Variants in IDE observed in about 807,000 individuals in gnomAD.
The protein encoded by IDE is insulin degrading enzyme.
Under a neutral mutation model 133.2 loss-of-function variants are expected in IDE, and 58 were observed. The observed-to-expected ratio is 0.44, with a 90% CI of 0.35 to 0.54. The LOEUF (loss-of-function observed/expected upper bound fraction) is 0.54. Among genes scored for constraint, IDE ranks in the 20% least tolerant of loss-of-function variants. IDE has a pLI of 0.00. For synonymous variants in IDE, 396 were observed against 421.3 expected (o/e 0.94, Z 0.73); for missense variants, 981 against 1,234.0 (o/e 0.79, Z 3.07).
At chr10:92,543,887 G>C (rs1970243) in intron 1 of IDE, among the ~76,000 whole-genome samples, 8,981 of 152,194 alleles carry the variant, frequency 0.059, 910 homozygotes, top group African/African-American at 0.2. Flanking sequence ...GGGTACCAAG[G>C]GTGTTTCACA....
chr10:92,510,851 TATATATCACATATATATCACATACATG>T (rs1389432709), intron 5 of IDE, among the ~76,000 whole-genome samples: 3 of 150,900 alleles, frequency 2.0e-5, no homozygotes, highest in East Asian at 3.9e-4. Context: ...ACACATATGA[TATATATCACATATATATCACATACATG>T]ATATATCACA....
chr10:92,533,711 T>G (rs1850067763), intron 3 of IDE, among the ~76,000 whole-genome samples: 1 of 123,562 alleles, frequency 8.1e-6, no homozygotes, highest in African/African-American at 3.1e-5. Context: ...TATAAAAAAT[T>G]GACCAAAAAA....
intron 1 of IDE, among the ~76,000 whole-genome samples, chr10:92,548,359 CAAAAAAAAAAAAAAAAAAAA>C (rs56347361): frequency 2.5e-5 from 1 of 39,702 alleles, no homozygotes; most frequent in Non-Finnish European, 4.1e-5. Flanking sequence ...AACTCCATCT[CAAAAAAAAAAAAAAAAAAAA>C]AAAAAAAAAG....
At chr10:92,523,724 C>A (rs985869143) in intron 4 of IDE, among the ~76,000 whole-genome samples, 5 of 148,012 alleles carry the variant, frequency 3.4e-5, no homozygotes, top group African/African-American at 1.2e-4. Context: ...AAAAAAAAGT[C>A]ACGCACACCT....
chr10:92,522,618 T>C (rs1849288901), intron 4 of IDE, among the ~76,000 whole-genome samples: 1 of 152,216 alleles, frequency 6.6e-6, no homozygotes, highest in Non-Finnish European at 1.5e-5. Context: ...TCCGCTAAGA[T>C]CCTGGAGAAA....
chr10:92,546,997 A>C (rs1445275960), intron 1 of IDE, among the ~76,000 whole-genome samples: 8 of 152,220 alleles, frequency 5.3e-5, no homozygotes, highest in African/African-American at 1.9e-4. Flanking sequence ...AACTCAACTA[A>C]TTTTACATAT....
chr10:92,564,696 A>C (rs1466157162), intron 1 of IDE, among the ~76,000 whole-genome samples: 1 of 147,716 alleles, frequency 6.8e-6, no homozygotes, highest in Non-Finnish European at 1.5e-5. Context: ...AAAAAAAAAA[A>C]AAAAAAAAAA....
At chr10:92,511,102 C>CTTT (rs749758838) in intron 5 of IDE, among the ~76,000 whole-genome samples, 35 of 105,388 alleles carry the variant, frequency 3.3e-4, no homozygotes, top group Admixed American at 3.9e-4. Flanking sequence ...AAAAAAAAAA[C>CTTT]TTTTTTTTTT....
intron 4 of IDE, among the ~76,000 whole-genome samples, chr10:92,519,965 A>G (rs920945743): frequency 1.3e-5 from 2 of 152,134 alleles, no homozygotes; most frequent in Non-Finnish European, 2.9e-5. Context: ...TTAGCCAGGC[A>G]TGGTGGTGGT....
At position 92,465,821 on chromosome 10, in the gene IDE, CT is replaced by C; in HGVS notation, c.2342del (p.Gln781ArgfsTer66). The C allele has an allele frequency of 6.2e-7, 1 of 1,614,116 alleles. No homozygotes were observed. The highest frequency in any genetic ancestry group is 2.2e-5 in the East Asian group (1 of 44,886). Reference sequence around the variant, plus strand: ...CACAGTTATTGTGAACTTCATTTCTCTGCTGATAAACAAACCATCCTCCTAG... The same window carrying C: ...CACAGTTATTGTGAACTTCATTTCTCGCTGATAAACAAACCATCCTCCTAG... ...LPDRGWFVYQ[Q>X]RNEVHNNCGI... On this transcript the variant is annotated frameshift_variant, in exon 20 of 25. Coordinates refer to ENST00000265986, the MANE Select transcript of IDE (RefSeq NM_004969.4). LOFTEE classifies it high-confidence loss of function.
At chr10:92,497,821 G>A (rs1292924644) in intron 11 of IDE, 1 of 303,746 alleles carries the variant, frequency 3.3e-6, no homozygotes, top group Non-Finnish European at 4.8e-6. Context: ...AAATGTGAGA[G>A]TAAAAAGAGG....
rs771152795 is a variant in IDE at position 92,468,905 on chromosome 10, C to A, written c.2294G>T (p.Arg765Leu). The change falls in exon 19 of 25, where the codon CGG becomes CTG. Residue 765 changes from arginine (R) to leucine (L), a missense_variant. By Grantham distance (102) the Arg-to-Leu change is moderately radical. Around this residue, in one of 2 missense-constraint regions of IDE, gnomAD observed 660 missense variants for 894.7 expected, o/e 0.74. Transcript: ENST00000265986. ...GTCAGGGAGCTGAACTTCTCTATAC[C>A]GAACCAGCTGACTTGGAAGGAGAGG... The part of the protein sequence containing the change: ...TKPLLPSQLV[R>L]YREVQLPDRG... 1.2e-6 allele frequency: 2 copies of A among 1,609,258 alleles called. No homozygotes were observed. Among genetic ancestry groups the A allele is most frequent in the Non-Finnish European group, 1.7e-6 (2 of 1,175,712 alleles).
At chr10:92,493,725 G>A (rs530256805) in intron 11 of IDE, among the ~76,000 whole-genome samples, 3 of 152,274 alleles carry the variant, frequency 2.0e-5, no homozygotes, top group East Asian at 3.9e-4. Flanking sequence ...CAGTTCCTCA[G>A]ACTAGGCACA....
chr10:92,569,122 GAATA>G (rs1254576293), intron 1 of IDE, among the ~76,000 whole-genome samples: 7 of 152,292 alleles, frequency 4.6e-5, no homozygotes, highest in African/African-American at 1.7e-4. Flanking sequence ...GGCCTAAAAA[GAATA>G]AAGGATTTAG....
chr10:92,474,925 G>A lies in IDE; in HGVS notation c.2032C>T (p.Pro678Ser). 6.2e-7 allele frequency: 1 copy of A among 1,613,020 alleles called. No homozygotes were observed. The highest frequency in any genetic ancestry group is 8.5e-7 in the Non-Finnish European group (1 of 1,179,078). Residue 678 changes from proline (P) to serine (S), a missense_variant, in exon 17 of 25, where the codon CCT (proline) becomes TCT (serine). Pro to Ser is a moderately conservative substitution (Grantham distance 74). Around this residue, in one of 2 missense-constraint regions of IDE, gnomAD observed 660 missense variants for 894.7 expected, o/e 0.74. Coordinates refer to ENST00000265986, the MANE Select transcript of IDE (RefSeq NM_004969.4). Reference sequence around the variant, plus strand: ...AGGTAGTACATGGCATGCTGGTGAGGCTGTTCAGCCCGGAAATTGTTAAGA... The same window carrying A: ...AGGTAGTACATGGCATGCTGGTGAGACTGTTCAGCCCGGAAATTGTTAAGA... ...RSLNNFRAEQ[P>S]HQHAMYYLRL...
At chr10:92,527,080 G>C (rs1163178153) in intron 4 of IDE, among the ~76,000 whole-genome samples, 2 of 151,922 alleles carry the variant, frequency 1.3e-5, no homozygotes, top group Non-Finnish European at 2.9e-5. Flanking sequence ...GTTTTTCTGT[G>C]TGTTTAAGAA....
At chr10:92,567,467 T>G (rs1843609450) in intron 1 of IDE, among the ~76,000 whole-genome samples, 1 of 152,196 alleles carries the variant, frequency 6.6e-6, no homozygotes, top group South Asian at 2.1e-4. Flanking sequence ...TACTACCTTC[T>G]TTATCCCTCA....
chr10:92,456,358 C>A lies in IDE; in HGVS notation c.2896+1G>T. On this transcript the variant is annotated splice_donor_variant, in intron 23 of 24. Coordinates refer to ENST00000265986, the MANE Select transcript of IDE (RefSeq NM_004969.4). LOFTEE classifies it high-confidence loss of function. ...CTAAAAAGGCAACATTTGATACTTA[C>A]AAGAATCCATTTCCCTGGCAAGAAC... 6.2e-7 allele frequency: 1 copy of A among 1,610,552 alleles called. No individual in the cohort carries two copies. The highest frequency in any genetic ancestry group is 1.1e-5 in the South Asian group (1 of 91,026).
chr10:92,468,642 C>T lies in IDE; in HGVS notation c.2320+237G>A, dbSNP rs150718264. On this transcript the variant is annotated intron_variant, in intron 19 of 24. Transcript: ENST00000265986. ...CCTAATTCCCCTTCATTCAAGTACC[C>T]GTCAATTCCAGTATCATTCTCTTCA... is the stretch of plus-strand genomic sequence containing the variant. Among the ~76,000 whole-genome samples, 695 of 152,192 alleles carry T rather than the reference C, an allele frequency of 4.6e-3. 2 individuals are homozygous for T. The highest frequency in any genetic ancestry group is 0.016 in the African/African-American group (653 of 41,532).
Sources: allele counts gnomAD v4.1 joint callset (sites outside exome capture counted in the v4.1 genomes callset), GRCh38; gene constraint gnomAD v4.1.1; regional missense constraint gnomAD v4.1.1; transcripts MANE v1.5; gene names NCBI Gene and HGNC (gene_info 2026-07-23, HGNC 2026-07-21).